The following NDUFAF6 variants were observed in gnomAD, a reference collection of about 807,000 sequenced individuals.
The protein encoded by NDUFAF6 is NADH:ubiquinone oxidoreductase complex assembly factor 6, also known as NADH dehydrogenase (ubiquinone) complex I, assembly factor 6.
Under a neutral mutation model 40.8 loss-of-function variants are expected in NDUFAF6, and 45 were observed. The ratio of observed to expected loss-of-function variants is 1.10; its 90% CI spans 0.87 to 1.42. The LOEUF (loss-of-function observed/expected upper bound fraction) is 1.42, where lower values mean the gene tolerates loss of function less well. Among genes scored for constraint, NDUFAF6 ranks in the 40% most tolerant of loss-of-function variants. NDUFAF6 has a pLI of 0.00. For synonymous variants in NDUFAF6, 185 were observed against 155.9 expected (o/e 1.19, Z -1.39); for missense variants, 435 against 418.5 (o/e 1.04, Z -0.34).
chr8:94,981,211 T>C (rs1825417394), intron 2 of NDUFAF6, among the ~76,000 whole-genome samples: 1 of 152,206 alleles, frequency 6.6e-6, no homozygotes, highest in Admixed American at 6.5e-5. Context: ...TTAGTTCCCA[T>C]GAGAGTGGGT....
In NDUFAF6 at chr8:95,041,596, AAG is replaced by A. The variant is rs745943979; in HGVS notation, c.449_450del (p.Arg150MetfsTer8). The A allele has an allele frequency of 5.0e-6, 8 of 1,612,612 alleles. No individual in the cohort carries two copies. On this transcript the variant is annotated frameshift_variant, in exon 4 of 9. Coordinates refer to ENST00000396124, the MANE Select transcript of NDUFAF6 (RefSeq NM_152416.4). LOFTEE classifies it high-confidence loss of function. The stretch of plus-strand genomic sequence containing the variant: ...CTGTTAAAAGACATAATCTGACTAA[AAG>A]ATGGCTTATGAAAATCGTCGATGAA... The part of the protein sequence containing the change: ...KAVKRHNLTK[R>X]WLMKIVDERE...
intron 4 of NDUFAF6, among the ~76,000 whole-genome samples, chr8:95,109,583 TAGATAGAG>T (rs1213622664): frequency 2.0e-5 from 1 of 49,322 alleles, no homozygotes; most frequent in Non-Finnish European, 3.4e-5. Flanking sequence ...GTTAGATAGA[TAGATAGAG>T]AGAGAGAGAG....
downstream of NDUFAF6, among the ~76,000 whole-genome samples, chr8:95,104,937 T>A (rs926005134): frequency 6.6e-6 from 1 of 152,032 alleles, no homozygotes; most frequent in Non-Finnish European, 1.5e-5. Flanking sequence ...AACAAAAGGA[T>A]GCCCAGAAAG....
upstream of NDUFAF6, among the ~76,000 whole-genome samples, chr8:95,020,123 C>T (rs541606352): frequency 6.2e-4 from 95 of 152,220 alleles, no homozygotes; most frequent in Non-Finnish European, 1.1e-3. Flanking sequence ...TGCTTGAACC[C>T]GGGAGGTGGA....
At chr8:95,067,174 G>A (rs1311004993) in intron 9 of NDUFAF6, 7 of 152,230 alleles carry the variant, frequency 4.6e-5, no homozygotes, top group East Asian at 3.8e-4. Context: ...CCAGATGCAT[G>A]GGCTGGGGCT....
At chr8:94,898,032 T>C (rs515742) in intron 1 of NDUFAF6, among the ~76,000 whole-genome samples, 7,813 of 152,244 alleles carry the variant, frequency 0.051, 254 homozygotes, top group Middle Eastern at 0.065. Context: ...AAAACATTAA[T>C]AGACTTTATT....
At chr8:95,015,692 T>C (rs1355637312) in intron 2 of NDUFAF6, among the ~76,000 whole-genome samples, 1 of 152,206 alleles carries the variant, frequency 6.6e-6, no homozygotes, top group Non-Finnish European at 1.5e-5. Flanking sequence ...CAAACAAACT[T>C]GGTTCCCTTC....
intron 2 of NDUFAF6, among the ~76,000 whole-genome samples, chr8:94,986,508 T>G (rs910648266): frequency 1.3e-5 from 2 of 152,232 alleles, no homozygotes; most frequent in Non-Finnish European, 2.9e-5. Flanking sequence ...GAAATCATTT[T>G]AAACATAAAG....
intron 2 of NDUFAF6, among the ~76,000 whole-genome samples, chr8:95,083,700 G>T (rs1239876606): frequency 1.3e-5 from 2 of 152,176 alleles, no homozygotes; most frequent in Non-Finnish European, 2.9e-5. Flanking sequence ...ACAAGATCTA[G>T]CAGCAGGTCT....
chr8:95,063,315 T>TA (rs1235449669), downstream of NDUFAF6, among the ~76,000 whole-genome samples: 2 of 152,216 alleles, frequency 1.3e-5, no homozygotes, highest in Non-Finnish European at 2.9e-5. Context: ...CCTCCACAAA[T>TA]ACTGTTTTCC....
chr8:94,936,725 A>G lies in NDUFAF6; in HGVS notation c.-935-8758A>G, dbSNP rs151307179. 4.1e-3 allele frequency among the ~76,000 whole-genome samples: 628 copies of G among 152,288 alleles called. 6 individuals are homozygous for G. Among genetic ancestry groups the G allele is most frequent in the African/African-American group, 0.015 (604 of 41,552 alleles). ...GGTATATTAGGACATGCCAGTGGCC[A>G]TCAGAAGAACTCCCTTCCAGGTTTG... On this transcript the variant is annotated intron_variant, in intron 1 of 14. Transcript: ENST00000396113.
In NDUFAF6 at chr8:95,052,841, G is replaced by A. The variant is rs573355748; in HGVS notation, c.873+611G>A. Among the ~76,000 whole-genome samples the A allele has an allele frequency of 1.2e-4, 19 of 152,266 alleles. No individual in the cohort carries two copies. The South Asian group carries it at 2.3e-3, about 18-fold the overall frequency. On this transcript the variant is annotated intron_variant, in intron 8 of 8. Coordinates refer to ENST00000396124, the MANE Select transcript of NDUFAF6 (RefSeq NM_152416.4). ...GAAGTTCCCCAGGTGATTCTGATGCGTAGACAGGTTTGGGAACTGTTGTTC... is the reference window on the plus strand; with the variant it reads ...GAAGTTCCCCAGGTGATTCTGATGCATAGACAGGTTTGGGAACTGTTGTTC...
intron 4 of NDUFAF6, among the ~76,000 whole-genome samples, chr8:95,044,792 G>A (rs918608893): frequency 6.0e-5 from 9 of 151,172 alleles, no homozygotes; most frequent in Non-Finnish European, 8.8e-5. Context: ...TGTGGCATTT[G>A]ATGCTGGTGT....
chr8:94,940,071 C>T (rs942398943), intron 1 of NDUFAF6: 1 of 1,614,090 alleles, frequency 6.2e-7, no homozygotes, highest in Non-Finnish European at 8.5e-7. Flanking sequence ...GGACATGACT[C>T]AAACTGGAGA....
intron 1 of NDUFAF6, among the ~76,000 whole-genome samples, chr8:95,029,917 G>A (rs539783994): frequency 3.9e-5 from 6 of 151,990 alleles, no homozygotes; most frequent in Non-Finnish European, 7.4e-5. Context: ...ATTTAATTAA[G>A]AATGTTAATT....
At chr8:95,033,713 G>A (rs1449019149) in intron 2 of NDUFAF6, among the ~76,000 whole-genome samples, 1 of 152,182 alleles carries the variant, frequency 6.6e-6, no homozygotes, top group African/African-American at 2.4e-5. Context: ...TTGGAGCAGA[G>A]ATCTGAAGGA....
intron 1 of NDUFAF6, chr8:94,930,460 C>T (rs1427067388): frequency 6.2e-7 from 1 of 1,612,748 alleles, no homozygotes; most frequent in Non-Finnish European, 8.5e-7. Flanking sequence ...GAGAAACCAA[C>T]CAACAAAACT....
At chr8:95,049,593 G>A (rs767096729) in intron 7 of NDUFAF6, among the ~76,000 whole-genome samples, 4 of 152,030 alleles carry the variant, frequency 2.6e-5, no homozygotes, top group Non-Finnish European at 4.4e-5. Flanking sequence ...GCCTTCAGTA[G>A]ATTCTAAAGA....
chr8:95,046,413 G>A (rs1830776054), intron 5 of NDUFAF6, among the ~76,000 whole-genome samples: 2 of 152,152 alleles, frequency 1.3e-5, no homozygotes, highest in African/African-American at 4.8e-5. Flanking sequence ...AATTTTGATG[G>A]TAGGATTTCT....
Sources: gnomAD v4.1 joint callset for allele counts (sites outside exome capture counted in the v4.1 genomes callset) on GRCh38, gnomAD v4.1.1 for gene constraint, MANE v1.5 for transcripts, NCBI Gene and HGNC (gene_info 2026-07-23, HGNC 2026-07-21) for gene names.